Variants in ADAM18 observed in about 807,000 individuals in gnomAD.
ADAM18 encodes the protein ADAM metallopeptidase domain 18, also known as disintegrin and metalloproteinase domain-containing protein 18.
Under a neutral mutation model 94.4 loss-of-function variants are expected in ADAM18, and 117 were observed. The ratio of observed to expected loss-of-function variants is 1.24; its 90% CI spans 1.07 to 1.45. The LOEUF (loss-of-function observed/expected upper bound fraction) is 1.45. Among genes scored for constraint, ADAM18 ranks in the 40% most tolerant of loss-of-function variants. The pLI is 0.00. For synonymous variants in ADAM18, 327 were observed against 291.6 expected (o/e 1.12, Z -1.24); for missense variants, 936 against 880.0 (o/e 1.06, Z -0.81).
chr8:39,619,085 A>G (rs975428415), intron 6 of ADAM18, among the ~76,000 whole-genome samples: 2 of 152,264 alleles, frequency 1.3e-5, no homozygotes, highest in African/African-American at 4.8e-5. Context: ...AGGGCATTAT[A>G]TAATGACAAA....
In ADAM18 at chr8:39,694,149, G is replaced by C. The variant is rs1229849102; in HGVS notation, c.1902+1469G>C. On this transcript the variant is annotated intron_variant, in intron 17 of 19. Coordinates refer to ENST00000265707, the MANE Select transcript of ADAM18 (RefSeq NM_014237.3). ...GACTTTTATGCATGATTCAATATAA[G>C]TGGTAGATATTCTTGCCTTGTCCTT... is the stretch of plus-strand genomic sequence containing the variant. Among the ~76,000 whole-genome samples the C allele has an allele frequency of 3.3e-5, 5 of 151,406 alleles. No individual in the cohort carries two copies. In the East Asian group the frequency reaches 9.6e-4, roughly 29 times the overall value.
intron 12 of ADAM18, among the ~76,000 whole-genome samples, chr8:39,651,259 G>C (rs1052405270): frequency 6.6e-6 from 1 of 152,124 alleles, no homozygotes; most frequent in African/African-American, 2.4e-5. Flanking sequence ...ATTGCCCAGG[G>C]ACAGCAGGAG....
chr8:39,687,103 T>C (rs1821627536), intron 16 of ADAM18, among the ~76,000 whole-genome samples: 1 of 152,226 alleles, frequency 6.6e-6, no homozygotes, highest in African/African-American at 2.4e-5. Context: ...TATTAGTATG[T>C]ATTTTAATAT....
chr8:39,650,637 G>A (rs1000629189), intron 12 of ADAM18, among the ~76,000 whole-genome samples: 2 of 152,106 alleles, frequency 1.3e-5, no homozygotes, highest in Admixed American at 1.3e-4. Context: ...GGAATGAAAG[G>A]AAACAAATTA....
At chr8:39,590,184 C>T (rs1250587073) in intron 2 of ADAM18, among the ~76,000 whole-genome samples, 5 of 151,712 alleles carry the variant, frequency 3.3e-5, no homozygotes, top group Admixed American at 3.3e-4. Flanking sequence ...TGGAACCAAC[C>T]CGAATGTCCA....
At chr8:39,620,360 A>C (rs1819576014) in intron 6 of ADAM18, among the ~76,000 whole-genome samples, 2 of 100,942 alleles carry the variant, frequency 2.0e-5, no homozygotes, top group Middle Eastern at 4.4e-3. Context: ...ACAAAAGCAA[A>C]AAAAAAAAAA....
intron 18 of ADAM18, among the ~76,000 whole-genome samples, chr8:39,722,229 A>G (rs1182787324): frequency 0.24 from 6,456 of 26,360 alleles, 256 homozygotes; most frequent in East Asian, 0.29. Context: ...ATATATATAT[A>G]TATATATATA....
intron 6 of ADAM18, among the ~76,000 whole-genome samples, chr8:39,613,242 GC>G (rs1819330969): frequency 6.6e-6 from 1 of 152,152 alleles, no homozygotes. Context: ...GAATATTGTT[GC>G]CAGCATATCA....
At chr8:39,708,536 T>A (rs1376619122) in intron 18 of ADAM18, among the ~76,000 whole-genome samples, 1 of 152,142 alleles carries the variant, frequency 6.6e-6, no homozygotes, top group Non-Finnish European at 1.5e-5. Flanking sequence ...TCAATCACAT[T>A]TTGAGTGATG....
At chr8:39,686,156 T>C (rs982484197) in intron 16 of ADAM18, among the ~76,000 whole-genome samples, 2 of 152,214 alleles carry the variant, frequency 1.3e-5, no homozygotes, top group African/African-American at 4.8e-5. Flanking sequence ...CAAACCTTTT[T>C]CAGCCTCCGG....
intron 10 of ADAM18, among the ~76,000 whole-genome samples, chr8:39,642,524 T>C (rs2129579436): frequency 6.6e-6 from 1 of 152,030 alleles, no homozygotes; most frequent in East Asian, 1.9e-4. Context: ...TCTTTCCCCT[T>C]TGCTTGTTTT....
intron 12 of ADAM18, among the ~76,000 whole-genome samples, chr8:39,654,244 G>T (rs113010575): frequency 0.033 from 4,731 of 142,822 alleles, 437 homozygotes; most frequent in African/African-American, 0.12. Flanking sequence ...TGCAAGCTCC[G>T]CCTTCCAGGT....
At chr8:39,610,481 A>C in intron 5 of ADAM18, 48 bp from the exon 6 acceptor site, 1 of 1,531,384 alleles carries the variant, frequency 6.5e-7, no homozygotes, top group East Asian at 2.3e-5. Context: ...TGAAGGGATC[A>C]TTTGTGAGAT....
intron 12 of ADAM18, among the ~76,000 whole-genome samples, chr8:39,660,356 C>T (rs1249033150): frequency 1.3e-5 from 2 of 152,048 alleles, no homozygotes; most frequent in African/African-American, 4.8e-5. Context: ...ATCCAGGAGC[C>T]TAGCTTTAGC....
At chr8:39,692,301 G>C (rs80275049) in intron 16 of ADAM18, among the ~76,000 whole-genome samples, 3 of 151,684 alleles carry the variant, frequency 2.0e-5, no homozygotes, top group Non-Finnish European at 4.4e-5. Context: ...CATACGATGA[G>C]TGTCTCAATC....
Position 39,692,679 on chromosome 8 carries a change from G to A in ADAM18, c.1901G>A (p.Gly634Glu). 6.3e-7 allele frequency: 1 copy of A among 1,594,836 alleles called. No homozygotes were observed. Among genetic ancestry groups the A allele is most frequent in the Non-Finnish European group, 8.6e-7 (1 of 1,168,632 alleles). Residue 634 changes from glycine to glutamate, a missense_variant and splice_region_variant, in exon 17 of 20, where the codon GGG becomes GAG. Physicochemically the swap from Gly to Glu is moderately conservative, Grantham distance 98. Coordinates refer to ENST00000265707, the MANE Select transcript of ADAM18 (RefSeq NM_014237.3). ...GCCACCACAAAATGCAAAGGGAAAG[G>A]GGTAAGTCACTTTTGTATCTGAATT... ...CNATTKCKGK[G>E]ICNNFGNCQC...
At chr8:39,644,874 G>T (rs1335920325) in intron 10 of ADAM18, among the ~76,000 whole-genome samples, 3 of 152,018 alleles carry the variant, frequency 2.0e-5, no homozygotes, top group Non-Finnish European at 2.9e-5. Context: ...TTTTTACATA[G>T]AAAGTTTATT....
At chr8:39,707,538 C>T (rs1387309825) in intron 18 of ADAM18, among the ~76,000 whole-genome samples, 2 of 152,180 alleles carry the variant, frequency 1.3e-5, no homozygotes, top group Non-Finnish European at 2.9e-5. Context: ...GTTTGAGATA[C>T]ATCTGCAAAA....
At chr8:39,711,081 A>G (rs1822382252) in intron 18 of ADAM18, among the ~76,000 whole-genome samples, 2 of 152,148 alleles carry the variant, frequency 1.3e-5, no homozygotes, top group African/African-American at 4.8e-5. Flanking sequence ...TTGGCTATGT[A>G]CTTATTATTA....
Sources: gnomAD v4.1 joint callset for allele counts (sites outside exome capture counted in the v4.1 genomes callset) on GRCh38, gnomAD v4.1.1 for gene constraint, MANE v1.5 for transcripts, NCBI Gene and HGNC (gene_info 2026-07-23, HGNC 2026-07-21) for gene names.